Variants in SGCZ observed in about 807,000 individuals in gnomAD.
SGCZ encodes sarcoglycan zeta.
A neutral mutation model predicts 41.3 loss-of-function variants in SGCZ; 40 were observed. The ratio of observed to expected loss-of-function variants is 0.97; its 90% CI spans 0.75 to 1.26. The LOEUF is 1.26. Among genes scored for constraint, SGCZ ranks in the 50% most tolerant of loss-of-function variants. The pLI, the probability that SGCZ is intolerant of heterozygous loss-of-function variation, is 0.00. For missense variants in SGCZ, 552 were observed against 369.8 expected (o/e 1.49, Z -4.04); for synonymous variants, 206 against 137.5 (o/e 1.50, Z -3.49).
intron 1 of SGCZ, among the ~76,000 whole-genome samples, chr8:14,645,220 G>T (rs1296879702): frequency 6.6e-6 from 1 of 151,190 alleles, no homozygotes; most frequent in Non-Finnish European, 1.5e-5. Flanking sequence ...AAAATTTTTG[G>T]CTATAAAAGG....
intron 1 of SGCZ, among the ~76,000 whole-genome samples, chr8:14,840,015 T>G (rs1310445140): frequency 6.6e-6 from 1 of 152,122 alleles, no homozygotes; most frequent in Non-Finnish European, 1.5e-5. Context: ...TTTACACCAC[T>G]TTACACTACA....
chr8:15,029,569 T>C (rs1034367434), intron 1 of SGCZ, among the ~76,000 whole-genome samples: 4 of 152,080 alleles, frequency 2.6e-5, no homozygotes, highest in Admixed American at 2.6e-4. Flanking sequence ...TTGAAACAAT[T>C]TGTCAGTGAA....
At position 14,599,681 on chromosome 8, in the gene SGCZ, TC is replaced by T. The variant is rs561762702; in HGVS notation, c.40-44756del. ...CATCTATACCCATAAATTCTGCCTT[TC>T]TTTTCCTAATAAATGAACACGTGTC... On this transcript the variant is annotated intron_variant, in intron 1 of 7. Coordinates refer to ENST00000382080, the MANE Select transcript of SGCZ (RefSeq NM_139167.4). 9.0e-4 allele frequency among the ~76,000 whole-genome samples: 137 copies of T among 152,340 alleles called. 1 individual carries two copies. Among genetic ancestry groups the T allele is most frequent in the Non-Finnish European group, 1.6e-3 (108 of 68,032 alleles).
At chr8:14,649,208 T>C (rs761425869) in intron 1 of SGCZ, among the ~76,000 whole-genome samples, 19 of 152,174 alleles carry the variant, frequency 1.2e-4, no homozygotes, top group Non-Finnish European at 2.9e-5. Flanking sequence ...TAGGTACTTA[T>C]CAAACAGTAA....
chr8:14,988,912 G>C (rs905031808), intron 1 of SGCZ, among the ~76,000 whole-genome samples: 1 of 152,096 alleles, frequency 6.6e-6, no homozygotes, highest in African/African-American at 2.4e-5. Flanking sequence ...TTGTGGGGAG[G>C]GGGGGCATTG....
rs201395588 is a variant in SGCZ, at chr8:15,232,680, TATATATATATGTGTGTATATATATAC to T, written c.39+4879_39+4904del. Among the ~76,000 whole-genome samples, 856 of 143,514 alleles carry T rather than the reference TATATATATATGTGTGTATATATATAC, an allele frequency of 6.0e-3. 9 individuals carry two copies. The highest frequency in any genetic ancestry group is 0.01 in the Admixed American group (142 of 14,158). The allele number at this position is 143,514 out of a possible 152,430, so 94.2% of individuals were successfully genotyped here. Reference sequence around the variant, plus strand: ...ATATACATATATATGTGTGTGTATATATATATATATGTGTGTATATATATACATATATATGTGTGTATATATATACA... The same window carrying T: ...ATATACATATATATGTGTGTGTATATATATATATGTGTGTATATATATACA... On this transcript the variant is annotated intron_variant, in intron 1 of 7. Transcript: ENST00000382080.
intron 1 of SGCZ, among the ~76,000 whole-genome samples, chr8:14,995,971 T>G (rs1274567006): frequency 6.6e-6 from 1 of 152,004 alleles, no homozygotes; most frequent in African/African-American, 2.4e-5. Context: ...TGGTGTGATC[T>G]CGCCTCACTG....
intron 1 of SGCZ, among the ~76,000 whole-genome samples, chr8:14,819,354 T>C (rs952224357): frequency 6.6e-6 from 1 of 152,140 alleles, no homozygotes; most frequent in African/African-American, 2.4e-5. Context: ...TTCCTGGAAA[T>C]AGTACTCTTA....
At chr8:14,106,942 C>T (rs780061424) in intron 6 of SGCZ, among the ~76,000 whole-genome samples, 25 of 152,238 alleles carry the variant, frequency 1.6e-4, no homozygotes, top group African/African-American at 6.0e-4. Context: ...ACAGGCTAGG[C>T]GCGGTGGCTC....
At chr8:14,424,170 A>T (rs770383152) in intron 2 of SGCZ, among the ~76,000 whole-genome samples, 4 of 152,170 alleles carry the variant, frequency 2.6e-5, no homozygotes, top group Admixed American at 6.5e-5. Context: ...CAAAGTTGAG[A>T]AAAATAAGCT....
chr8:14,776,387 T>C (rs1207997058), intron 1 of SGCZ, among the ~76,000 whole-genome samples: 2 of 152,150 alleles, frequency 1.3e-5, no homozygotes, highest in Non-Finnish European at 1.5e-5. Flanking sequence ...CCATGTAAGA[T>C]GGGCCTTTGC....
intron 4 of SGCZ, among the ~76,000 whole-genome samples, chr8:14,179,012 G>A (rs1804637834): frequency 6.6e-6 from 1 of 152,194 alleles, no homozygotes; most frequent in Admixed American, 6.5e-5. Flanking sequence ...CAAGGATTGA[G>A]TCCATAAGGT....
rs953461347 is a variant in SGCZ at position 14,452,053 on chromosome 8, C to G, written c.234+102679G>C. 7.2e-5 allele frequency among the ~76,000 whole-genome samples: 11 copies of G among 152,330 alleles called. No individual in the cohort carries two copies. In the South Asian group the frequency reaches 1.2e-3, roughly 17 times the overall value. On this transcript the variant is annotated intron_variant, in intron 2 of 7. Coordinates refer to ENST00000382080, the MANE Select transcript of SGCZ (RefSeq NM_139167.4). The stretch of plus-strand genomic sequence containing the variant: ...TGGATACTTATAACAGCTTTATTCA[C>G]ATTTGCCAAAACTTGGAAATAATCA...
intron 1 of SGCZ, among the ~76,000 whole-genome samples, chr8:14,808,528 A>G (rs1801628110): frequency 6.6e-6 from 1 of 152,204 alleles, no homozygotes; most frequent in African/African-American, 2.4e-5. Flanking sequence ...AACCACAATG[A>G]GATACCATCT....
intron 1 of SGCZ, among the ~76,000 whole-genome samples, chr8:14,723,207 G>A (rs1361964374): frequency 6.6e-6 from 1 of 152,218 alleles, no homozygotes; most frequent in Non-Finnish European, 1.5e-5. Context: ...AATTGGAGCA[G>A]ATCTTCAGAG....
intron 4 of SGCZ, among the ~76,000 whole-genome samples, chr8:14,216,815 T>C (rs997212409): frequency 2.0e-5 from 3 of 152,190 alleles, no homozygotes; most frequent in Non-Finnish European, 2.9e-5. Flanking sequence ...AAGAAAAGCA[T>C]GTTATCTTGC....
At chr8:15,155,973 G>T (rs767787494) in intron 1 of SGCZ, among the ~76,000 whole-genome samples, 1 of 147,778 alleles carries the variant, frequency 6.8e-6, no homozygotes, top group Non-Finnish European at 1.5e-5. Context: ...CAGGAGAATC[G>T]CTTGAACTTG....
chr8:14,544,863 G>C (rs186330595), intron 2 of SGCZ, among the ~76,000 whole-genome samples: 6 of 152,014 alleles, frequency 3.9e-5, no homozygotes, highest in African/African-American at 1.4e-4. Flanking sequence ...TTTGCCCTTT[G>C]TCCTGTTCCC....
chr8:14,119,426 T>C (rs1265814250), intron 5 of SGCZ, among the ~76,000 whole-genome samples: 1 of 152,194 alleles, frequency 6.6e-6, no homozygotes, highest in Non-Finnish European at 1.5e-5. Context: ...CCTGAGAGTT[T>C]CCTGATTTTG....
Sources: gnomAD v4.1 joint callset for allele counts (sites outside exome capture counted in the v4.1 genomes callset) on GRCh38, gnomAD v4.1.1 for gene constraint, MANE v1.5 for transcripts, NCBI Gene and HGNC (gene_info 2026-07-23, HGNC 2026-07-21) for gene names.